TBC1D9: variants seen among roughly 807,000 people sequenced by gnomAD.
TBC1D9 encodes the protein TBC1 domain family member 9A.
A neutral mutation model predicts 132.0 loss-of-function variants in TBC1D9; 63 were observed. The observed-to-expected ratio is 0.48, with a 90% CI of 0.39 to 0.59. TBC1D9 has a LOEUF of 0.59. Among genes scored for constraint, TBC1D9 ranks in the 20% least tolerant of loss-of-function variants. The pLI, the probability that TBC1D9 is intolerant of heterozygous loss-of-function variation, is 0.00. For synonymous variants in TBC1D9, 610 were observed against 609.9 expected, an observed-to-expected ratio of 1.00 and a Z score of 0.00; for missense variants, 1,261 against 1,592.7, an observed-to-expected ratio of 0.79 and a Z score of 3.54.
chr4:140,673,355 A>C (rs185366065), intron 6 of TBC1D9, among the ~76,000 whole-genome samples: 1 of 152,082 alleles, frequency 6.6e-6, no homozygotes, highest in East Asian at 1.9e-4. Context: ...GTGAAACAAC[A>C]ATTCTTGGTC....
intron 2 of TBC1D9, among the ~76,000 whole-genome samples, chr4:140,700,305 C>T (rs2111038418): frequency 6.6e-6 from 1 of 151,858 alleles, no homozygotes; most frequent in Middle Eastern, 3.4e-3. Flanking sequence ...TAAAAATTAG[C>T]TGGGCGTGGT....
intron 9 of TBC1D9, among the ~76,000 whole-genome samples, chr4:140,663,577 A>C (rs1164472512): frequency 1.3e-5 from 2 of 152,194 alleles, no homozygotes; most frequent in Admixed American, 1.3e-4. Flanking sequence ...ATCCTGAAGA[A>C]ATATCTGCAT....
chr4:140,633,849 C>T, intron 16 of TBC1D9, 99 bp downstream of exon 16: 1 of 1,445,280 alleles, frequency 6.9e-7, no homozygotes. Flanking sequence ...AGTTTGCAAA[C>T]CTCCCCTTGT....
rs1736729422 is a variant in TBC1D9 at position 140,627,641 on chromosome 4, G to A, written c.2813-114C>T. The A allele has an allele frequency of 1.0e-5, 7 of 702,140 alleles. No homozygotes were observed. In the South Asian group the frequency reaches 1.3e-4, roughly 13 times the overall value. The allele number at this position is 702,140 out of a possible 1,614,324, so 43.5% of individuals were successfully genotyped here. The stretch of plus-strand genomic sequence containing the variant: ...GGGGATGAAAAGCTAAAGTTACAAA[G>A]GTGGGATGGGGCCTTGAGTGCCTAC... On this transcript the variant is annotated intron_variant, in intron 17 of 20. Coordinates refer to ENST00000442267, the MANE Select transcript of TBC1D9 (RefSeq NM_015130.3).
At chr4:140,662,128 A>G (rs1194627233) in intron 9 of TBC1D9, 21 bp from the exon 10 acceptor site, 1 of 1,596,104 alleles carries the variant, frequency 6.3e-7, no homozygotes. Flanking sequence ...TCCAACAGAT[A>G]CAGTATCAAA....
At chr4:140,686,290 T>C (rs1426106785) in intron 3 of TBC1D9, 54 bp downstream of exon 3, 1 of 1,137,728 alleles carries the variant, frequency 8.8e-7, no homozygotes, top group African/African-American at 1.5e-5. Context: ...TTTACAACAT[T>C]TCTGTAAATT....
chr4:140,699,547 G>A (rs1238472904), intron 2 of TBC1D9, among the ~76,000 whole-genome samples: 1 of 152,126 alleles, frequency 6.6e-6, no homozygotes, highest in Admixed American at 6.5e-5. Flanking sequence ...GTCTAATCAT[G>A]AGAAAAATAT....
chr4:140,644,214 T>C, intron 13 of TBC1D9: 1 of 335,992 alleles, frequency 3.0e-6, no homozygotes, highest in African/African-American at 2.2e-5. Context: ...GAACAAGGCC[T>C]GGAAAGTGCT....
At chr4:140,702,968 A>G (rs1264308211) in intron 1 of TBC1D9, among the ~76,000 whole-genome samples, 1 of 152,198 alleles carries the variant, frequency 6.6e-6, no homozygotes, top group African/African-American at 2.4e-5. Flanking sequence ...AAATGGAGAC[A>G]CTATTACTAC....
intron 1 of TBC1D9, among the ~76,000 whole-genome samples, chr4:140,724,969 C>T (rs1203871915): frequency 1.3e-5 from 2 of 152,130 alleles, no homozygotes; most frequent in African/African-American, 4.8e-5. Context: ...GAGCGTGCAA[C>T]TTGGTAAAAC....
In TBC1D9 at chr4:140,704,332, C is replaced by T. The variant is rs150338793; in HGVS notation, c.131-2718G>A. 8.2e-3 allele frequency among the ~76,000 whole-genome samples: 1,240 copies of T among 150,568 alleles called. 20 individuals carry two copies. The highest frequency in any genetic ancestry group is 0.029 in the African/African-American group (1,170 of 40,816). On this transcript the variant is annotated intron_variant, in intron 1 of 20. Transcript: ENST00000442267. ...AGGAGAACTGCTTAAACCTGGGAGG[C>T]GCAGGTTGCAGTGAGCTGAGATCAT...
chr4:140,651,652 C>T (rs975638460), intron 13 of TBC1D9, among the ~76,000 whole-genome samples: 12 of 151,960 alleles, frequency 7.9e-5, no homozygotes, highest in African/African-American at 2.9e-4. Flanking sequence ...CTGTTAGAGA[C>T]ACATAATGAA....
intron 1 of TBC1D9, among the ~76,000 whole-genome samples, chr4:140,731,032 C>T (rs1358234157): frequency 6.6e-6 from 1 of 152,168 alleles, no homozygotes; most frequent in Admixed American, 6.5e-5. Context: ...CACATTCTTA[C>T]TCAGACCATG....
chr4:140,657,804 C>T lies in TBC1D9; in HGVS notation c.1930G>A (p.Val644Met). ...YYNTRVVGALVDQGVFEELAR... is the reference protein window; with the variant it reads ...YYNTRVVGALMDQGVFEELAR... ...AGCTCCTCAAAGACACCTTGGTCCACCAGTGCACCTGTGGCAGCGATGTAT... is the reference window on the plus strand; with the variant it reads ...AGCTCCTCAAAGACACCTTGGTCCATCAGTGCACCTGTGGCAGCGATGTAT... The change falls in exon 12 of 21, where the codon GTG (valine) becomes ATG (methionine). Residue 644 changes from valine to methionine, a missense_variant. By Grantham distance (21) the Val-to-Met change is conservative. This residue lies in a region of TBC1D9 where 93 missense variants were observed against 169.2 expected (regional missense o/e 0.55). Transcript: ENST00000442267. 2 of 1,611,756 alleles carry T rather than the reference C, an allele frequency of 1.2e-6. No individual in the cohort carries two copies. The highest frequency in any genetic ancestry group is 1.7e-6 in the Non-Finnish European group (2 of 1,178,756).
intron 13 of TBC1D9, among the ~76,000 whole-genome samples, chr4:140,639,879 G>C (rs1214894500): frequency 6.6e-6 from 1 of 152,212 alleles, no homozygotes; most frequent in African/African-American, 2.4e-5. Context: ...TGCATGCTAT[G>C]TGTCTCCTGA....
chr4:140,635,623 AG>A (rs1251712714), intron 15 of TBC1D9, among the ~76,000 whole-genome samples: 1 of 152,234 alleles, frequency 6.6e-6, no homozygotes, highest in African/African-American at 2.4e-5. Context: ...GGAGCAAAGA[AG>A]ATCAATGTCT....
intron 2 of TBC1D9, among the ~76,000 whole-genome samples, chr4:140,699,794 T>C (rs1270513210): frequency 6.6e-6 from 1 of 152,174 alleles, no homozygotes; most frequent in Non-Finnish European, 1.5e-5. Flanking sequence ...TCAACACTGG[T>C]TCATTAATTA....
chr4:140,642,191 C>A, intron 13 of TBC1D9: 1 of 759,814 alleles, frequency 1.3e-6, no homozygotes, highest in Non-Finnish European at 2.4e-6. Flanking sequence ...TGGAGCTAGC[C>A]GGAGGGGCCT....
chr4:140,749,728 A>G (rs914420636), intron 1 of TBC1D9, among the ~76,000 whole-genome samples: 2 of 152,182 alleles, frequency 1.3e-5, no homozygotes, highest in Non-Finnish European at 2.9e-5. Context: ...TATTTATAAA[A>G]GACATATCTA....
Sources: gnomAD v4.1 joint callset for allele counts (sites outside exome capture counted in the v4.1 genomes callset) on GRCh38, gnomAD v4.1.1 for gene constraint, gnomAD v4.1.1 regional missense constraint, MANE v1.5 for transcripts, NCBI Gene and HGNC (gene_info 2026-07-23, HGNC 2026-07-21) for gene names.